The following RNASEK variants were observed in gnomAD, a reference collection of about 807,000 sequenced individuals.
RNASEK encodes ribonuclease K, also known as ribonuclease kappa.
Under a neutral mutation model 11.2 loss-of-function variants are expected in RNASEK, and 7 were observed. The ratio of observed to expected loss-of-function variants is 0.62; its 90% CI spans 0.35 to 1.17. The LOEUF is 1.17. Ranked by LOEUF, RNASEK falls within the 50% of genes most tolerant of loss-of-function variation. The pLI is 0.02. For missense variants in RNASEK, 101 were observed against 126.7 expected, an observed-to-expected ratio of 0.80 and a Z score of 0.97; for synonymous variants, 46 against 49.5, an observed-to-expected ratio of 0.93 and a Z score of 0.30.
chr17:7,012,786 C>G (rs747223115), intron 1 of RNASEK, 25 bp downstream of exon 1: 2 of 1,605,280 alleles, frequency 1.2e-6, no homozygotes, highest in Admixed American at 3.3e-5. Context: ...CGGCAAGGAT[C>G]GGAGAGGGCC....
rs752277727 is a variant in RNASEK at position 7,012,725 on chromosome 17, C to T, written c.42C>T (p.Cys14=). 132 of 1,613,158 alleles carry T rather than the reference C, an allele frequency of 8.2e-5. No homozygotes were observed. In the East Asian group the frequency reaches 2.9e-3, roughly 36 times the overall value. The stretch of plus-strand genomic sequence containing the variant: ...GCTGTGGGCCGAAGCTGGCCGCCTG[C>T]GGCATCGTCCTCAGCGCCTGGGGAG... ...LLCCGPKLAA[C]GIVLSAWGVI... The change falls in exon 1 of 3, where the codon TGC becomes TGT. Residue 14 remains cysteine (C), a synonymous_variant. Coordinates refer to ENST00000593646, the MANE Select transcript of RNASEK (RefSeq NM_001004333.5).
Position 7,014,312 on chromosome 17 carries a change from G to C in RNASEK, c.*26G>C, listed in dbSNP as rs201976956. 7.3e-5 allele frequency: 118 copies of C among 1,612,570 alleles called. No individual in the cohort carries two copies. Among genetic ancestry groups the C allele is most frequent in the Middle Eastern group, 1.8e-4 (1 of 5,654 alleles). ...GGCCCCGGCGCGTTTCCCCGCTCCA[G>C]CCCCTCCTCTATTTAAAGACTCCCT... On this transcript the variant is annotated 3_prime_UTR_variant, in exon 3 of 3. Transcript: ENST00000593646. This position sits in a 1 kb window ranked among gnomAD's most constrained non-coding sequence, Gnocchi z 4.5.
chr17:7,013,173 G>C, intron 1 of RNASEK: 1 of 569,388 alleles, frequency 1.8e-6, no homozygotes, highest in Non-Finnish European at 3.0e-6. Context: ...TGGAGTGGGA[G>C]GAGCCAGGGC....
At chr17:7,013,512 T>C in intron 1 of RNASEK, 154 bp from the exon 2 acceptor site, 1 of 1,586,324 alleles carries the variant, frequency 6.3e-7, no homozygotes, top group South Asian at 1.1e-5. Flanking sequence ...CACGCCCTGT[T>C]CCAGGTGGCT....
intron 1 of RNASEK, chr17:7,013,140 A>G (rs1046135590): frequency 2.7e-5 from 13 of 474,612 alleles, no homozygotes; most frequent in Non-Finnish European, 4.5e-5. Context: ...AAAAAGAAAA[A>G]AGGGAACTGG....
Position 7,014,413 on chromosome 17 carries a change from A to G in RNASEK, c.*127A>G. ...ACTGGGTTTCCCGGGCGAGAGACTG[A>G]ATCCCTTCTCCCATCTCTGGCATCC... On this transcript the variant is annotated 3_prime_UTR_variant, in exon 3 of 3. Transcript: ENST00000593646. This position sits in a 1 kb window ranked among gnomAD's most constrained non-coding sequence, Gnocchi z 4.5. 2.0e-6 allele frequency: 2 copies of G among 986,876 alleles called. No homozygotes were observed. The highest frequency in any genetic ancestry group is 1.6e-5 in the South Asian group (1 of 64,264). 61.1% of individuals were successfully genotyped at this position (986,876 alleles called of 1,614,324 possible). A position where few individuals can be genotyped will look rare whatever the true frequency, so the allele number is the denominator to read the frequency against.
chr17:7,014,098 T>C lies in RNASEK; in HGVS notation c.156-47T>C. ...TCGGGCACATAGTGCTCAGAAAATG[T>C]TGGCTCCTATTAAAGTTTGACCCCT... On this transcript the variant is annotated intron_variant, in intron 2 of 2. Coordinates refer to ENST00000593646, the MANE Select transcript of RNASEK (RefSeq NM_001004333.5). The surrounding 1 kb of genome is among the most constrained non-coding windows in gnomAD (Gnocchi z 4.5). 6.5e-7 allele frequency: 1 copy of C among 1,539,164 alleles called. No individual in the cohort carries two copies. Among genetic ancestry groups the C allele is most frequent in the Non-Finnish European group, 8.8e-7 (1 of 1,135,848 alleles).
chr17:7,013,614 A>C (rs1316308817), intron 1 of RNASEK, 52 bp from the exon 2 acceptor site: 4 of 1,597,420 alleles, frequency 2.5e-6, no homozygotes, highest in Non-Finnish European at 3.4e-6. Context: ...TTACGAAGTG[A>C]ACATGAGGTC....
At chr17:7,013,118 C>G in intron 1 of RNASEK, 1 of 458,162 alleles carries the variant, frequency 2.2e-6, no homozygotes, top group Non-Finnish European at 3.9e-6. Context: ...GAGCGAGACT[C>G]CGTCCCCAAA....
intron 2 of RNASEK, 87 bp downstream of exon 2, chr17:7,013,829 C>A: frequency 9.5e-7 from 1 of 1,057,378 alleles, no homozygotes; most frequent in Non-Finnish European, 1.5e-6. Flanking sequence ...AGGCCCGGTG[C>A]TTAGGGCCCC....
Position 7,014,245 on chromosome 17 carries a change from CA to C in RNASEK, c.258del (p.Val87PhefsTer55). 1 of 1,613,592 alleles carries C rather than the reference CA, an allele frequency of 6.2e-7. No homozygotes were observed. The highest frequency in any genetic ancestry group is 1.1e-5 in the South Asian group (1 of 90,960). On this transcript the variant is annotated frameshift_variant, in exon 3 of 3. Transcript: ENST00000593646. LOFTEE classifies it high-confidence loss of function. The surrounding 1 kb of genome is among the most constrained non-coding windows in gnomAD (Gnocchi z 4.5). Reference protein sequence around the residue: ...YLLLGGFSFCQVRLNKRKEYM... With the variant: ...YLLLGGFSFCXVRLNKRKEYM... ...CCTCCTCGGAGGCTTCTCTTTCTGC[CA>C]AGTTCGGCTCAATAAGCGCAAGGAA...
chr17:7,014,015 C>CAT lies in RNASEK; in HGVS notation c.156-128_156-127dup. The stretch of plus-strand genomic sequence containing the variant: ...AAAATGGCTATGACAGATCTCACCC[C>CAT]ATAGGATGGTCAAGAAGATTGAATA... On this transcript the variant is annotated intron_variant, in intron 2 of 2. Coordinates refer to ENST00000593646, the MANE Select transcript of RNASEK (RefSeq NM_001004333.5). The surrounding 1 kb of genome is among the most constrained non-coding windows in gnomAD (Gnocchi z 4.5). The CAT allele has an allele frequency of 3.4e-6, 3 of 890,850 alleles. No homozygotes were observed. The highest frequency in any genetic ancestry group is 5.3e-6 in the Non-Finnish European group (3 of 567,716). The allele number at this position is 890,850 out of a possible 1,614,324, so 55.2% of individuals were successfully genotyped here.
intron 1 of RNASEK, 94 bp downstream of exon 1, chr17:7,012,855 C>T: frequency 1.7e-6 from 2 of 1,155,910 alleles, no homozygotes; most frequent in Non-Finnish European, 2.5e-6. Flanking sequence ...GCAGGCAGGC[C>T]GGAGGGGCCG....
chr17:7,012,732 G>A lies in RNASEK; in HGVS notation c.49G>A (p.Val17Ile). The change falls in exon 1 of 3, where the codon GTC (valine) becomes ATC (isoleucine). Residue 17 changes from valine to isoleucine, a missense_variant. By Grantham distance (29) the Val-to-Ile change is conservative (BLOSUM62 3). Coordinates refer to ENST00000593646, the MANE Select transcript of RNASEK (RefSeq NM_001004333.5). Reference sequence around the variant, plus strand: ...GCCGAAGCTGGCCGCCTGCGGCATCGTCCTCAGCGCCTGGGGAGTGATCAT... The same window carrying A: ...GCCGAAGCTGGCCGCCTGCGGCATCATCCTCAGCGCCTGGGGAGTGATCAT... ...CGPKLAACGIVLSAWGVIMLI... is the reference protein window; with the variant it reads ...CGPKLAACGIILSAWGVIMLI... 6.2e-7 allele frequency: 1 copy of A among 1,613,260 alleles called. No homozygotes were observed. Among genetic ancestry groups the A allele is most frequent in the Non-Finnish European group, 8.5e-7 (1 of 1,179,816 alleles).
At position 7,012,641 on chromosome 17, in the gene RNASEK, TCCGAGCCCGCTTG is replaced by T. The variant is rs1485832254; in HGVS notation, c.-41_-29del. 1 of 1,608,492 alleles carries T rather than the reference TCCGAGCCCGCTTG, an allele frequency of 6.2e-7. No individual in the cohort carries two copies. The highest frequency in any genetic ancestry group is 1.7e-5 in the Admixed American group (1 of 59,824). ...CATCCTGGGCTTTCTCCCACCGCTT[TCCGAGCCCGCTTG>T]CACCTCGGCGATCCCCGACTCCCTT... On this transcript the variant is annotated 5_prime_UTR_variant, in exon 1 of 3. Coordinates refer to ENST00000593646, the MANE Select transcript of RNASEK (RefSeq NM_001004333.5).
intron 1 of RNASEK, chr17:7,013,355 G>T: frequency 6.5e-7 from 1 of 1,530,042 alleles, no homozygotes; most frequent in South Asian, 1.2e-5. Context: ...GAAATGATAT[G>T]AAGAAGTGCC....
intron 1 of RNASEK, 29 bp downstream of exon 1, chr17:7,012,790 G>A: frequency 6.3e-7 from 1 of 1,597,554 alleles, no homozygotes; most frequent in Non-Finnish European, 8.5e-7. Flanking sequence ...AAGGATCGGA[G>A]AGGGCCTGAG....
Position 7,013,688 on chromosome 17 carries a change from A to G in RNASEK, c.101A>G (p.Asn34Ser), listed in dbSNP as rs776205146. 1.6e-5 allele frequency: 25 copies of G among 1,563,500 alleles called. No homozygotes were observed. The highest frequency in any genetic ancestry group is 5.5e-5 in the African/African-American group (4 of 73,088). The change falls in exon 2 of 3, where the codon AAT becomes AGT. Residue 34 changes from asparagine (N) to serine (S), a missense_variant. Physicochemically the swap from Asn to Ser is conservative, Grantham distance 46. Transcript: ENST00000593646. Reference protein sequence around the residue: ...IMLIMLGIFFNVHSAVLIEDV... With the variant: ...IMLIMLGIFFSVHSAVLIEDV... Reference sequence around the variant, plus strand: ...CAGATAATGCTCGGAATATTTTTCAATGTCCATTCCGCTGTGTTGATTGAG... The same window carrying G: ...CAGATAATGCTCGGAATATTTTTCAGTGTCCATTCCGCTGTGTTGATTGAG...
In RNASEK at chr17:7,014,187, C is replaced by T. The variant is rs1184435638; in HGVS notation, c.198C>T (p.Ser66=). Residue 66 remains serine (S), a synonymous_variant, in exon 3 of 3, where the codon AGC becomes AGT. Coordinates refer to ENST00000593646, the MANE Select transcript of RNASEK (RefSeq NM_001004333.5). This position sits in a 1 kb window ranked among gnomAD's most constrained non-coding sequence, Gnocchi z 4.5. ...QNIYNLYEQV[S]YNCFIAAGLY... ...TATACAACCTTTACGAGCAAGTCAG[C>T]TACAACTGTTTCATCGCTGCAGGCC... 2 of 1,587,536 alleles carry T rather than the reference C, an allele frequency of 1.3e-6. No individual in the cohort carries two copies. The highest frequency in any genetic ancestry group is 1.8e-5 in the Admixed American group (1 of 55,690).
Sources: gnomAD v4.1 joint callset for allele counts on GRCh38, gnomAD v4.1.1 for gene constraint, Gnocchi (gnomAD v3.1) non-coding constraint, MANE v1.5 for transcripts, NCBI Gene and HGNC (gene_info 2026-07-23, HGNC 2026-07-21) for gene names.